MGA: variants seen among roughly 807,000 people sequenced by gnomAD.
MGA encodes MAX gene-associated protein.
Under a neutral mutation model 261.1 loss-of-function variants are expected in MGA, and 40 were observed. That is an observed-to-expected ratio of 0.15 (90% CI 0.12 to 0.20). The LOEUF is 0.20. Ranked by LOEUF, MGA falls within the 10% of genes least tolerant of loss-of-function variation. MGA has a pLI of 1.00. For missense variants in MGA, 3,397 were observed against 3,630.5 expected, an observed-to-expected ratio of 0.94 and a Z score of 1.65; for synonymous variants, 1,302 against 1,290.6, an observed-to-expected ratio of 1.01 and a Z score of -0.19.
At chr15:41,716,881 C>CT (rs879628443) in intron 9 of MGA, among the ~76,000 whole-genome samples, 57 of 151,058 alleles carry the variant, frequency 3.8e-4, no homozygotes, top group Non-Finnish European at 3.8e-4. Flanking sequence ...GCATTTAATA[C>CT]TTTTTTTTTG....
Position 41,766,920 on chromosome 15 carries a change from T to C in MGA, c.8838T>C (p.Asp2946=). ...TCCTTTCCAACAAGAAAGCTATTGATGGAGGGAAGAATACTTCTGGCCTCC... is the reference window on the plus strand; with the variant it reads ...TCCTTTCCAACAAGAAAGCTATTGACGGAGGGAAGAATACTTCTGGCCTCC... Residue 2946 remains aspartate (D), a synonymous_variant, in exon 24 of 24, where the codon GAT becomes GAC. Coordinates refer to ENST00000219905, the MANE Select transcript of MGA (RefSeq NM_001164273.2). 4 of 1,614,028 alleles carry C rather than the reference T, an allele frequency of 2.5e-6. No homozygotes were observed. Among genetic ancestry groups the C allele is most frequent in the Non-Finnish European group, 3.4e-6 (4 of 1,179,890 alleles).
intron 18 of MGA, 47 bp downstream of exon 18, chr15:41,754,614 C>A (rs1158288913): frequency 2.7e-6 from 4 of 1,490,200 alleles, no homozygotes; most frequent in Non-Finnish European, 3.6e-6. Context: ...GTTTTGTAAC[C>A]AGAAACAAAA....
In MGA at chr15:41,750,035, C is replaced by T. The variant is rs568174800; in HGVS notation, c.6428C>T (p.Ser2143Leu). The stretch of plus-strand genomic sequence containing the variant: ...AAGGAAGAAAGTAAATTTGAATTGT[C>T]AGGAAGCAAAGTTATGGAGCAGCAA... The change falls in exon 17 of 24, where the codon TCA becomes TTA. Residue 2143 changes from serine (S) to leucine (L), a missense_variant. By Grantham distance (145) the Ser-to-Leu change is moderately radical. Around this residue, in one of 9 missense-constraint regions of MGA, gnomAD observed 1,410 missense variants for 1,386.4 expected, o/e 1.02. Coordinates refer to ENST00000219905, the MANE Select transcript of MGA (RefSeq NM_001164273.2). 2 of 1,613,062 alleles carry T rather than the reference C, an allele frequency of 1.2e-6. No individual in the cohort carries two copies. The highest frequency in any genetic ancestry group is 1.7e-6 in the Non-Finnish European group (2 of 1,179,614).
At chr15:41,721,172 AT>A (rs751384103) in intron 9 of MGA, among the ~76,000 whole-genome samples, 2 of 152,140 alleles carry the variant, frequency 1.3e-5, no homozygotes, top group Non-Finnish European at 2.9e-5. Context: ...CAACTTTAAA[AT>A]AAGAAATTCA....
intron 1 of MGA, among the ~76,000 whole-genome samples, chr15:41,640,987 C>T (rs2056809762): frequency 6.6e-6 from 1 of 152,142 alleles, no homozygotes; most frequent in Non-Finnish European, 1.5e-5. Flanking sequence ...GCAGTCATTC[C>T]CTATTTCTCC....
chr15:41,713,184 A>G lies in MGA; in HGVS notation c.3118A>G (p.Ile1040Val). ...CAAAACTAAACCTATCCACACAATC[A>G]TAAGGAAACGAGCCCCTCCCTGCAA... Residue 1040 changes from isoleucine (I) to valine (V), a missense_variant, in exon 9 of 24, where the codon ATA becomes GTA. Ile to Val is a conservative substitution (Grantham distance 29). Around this residue, in one of 9 missense-constraint regions of MGA, gnomAD observed 519 missense variants for 554.1 expected, o/e 0.94. Transcript: ENST00000219905. 2 of 1,613,770 alleles carry G rather than the reference A, an allele frequency of 1.2e-6. No homozygotes were observed. The highest frequency in any genetic ancestry group is 1.7e-6 in the Non-Finnish European group (2 of 1,179,884).
intron 2 of MGA, among the ~76,000 whole-genome samples, chr15:41,686,131 A>T (rs1429623072): frequency 6.6e-6 from 1 of 152,160 alleles, no homozygotes; most frequent in Non-Finnish European, 1.5e-5. Context: ...CCTGTGAACA[A>T]ATTTAGTTTT....
chr15:41,665,595 T>C (rs2057688101), intron 1 of MGA, among the ~76,000 whole-genome samples: 1 of 152,180 alleles, frequency 6.6e-6, no homozygotes, highest in Non-Finnish European at 1.5e-5. Context: ...CTCAAACTCC[T>C]GGGCTTAAGC....
rs2062210959 is a variant in MGA at position 41,743,104 on chromosome 15, C to T, written c.5144C>T (p.Ser1715Leu). The change falls in exon 15 of 24, where the codon TCA becomes TTA. Residue 1715 changes from serine to leucine, a missense_variant. Around this residue, in one of 9 missense-constraint regions of MGA, gnomAD observed 1,410 missense variants for 1,386.4 expected, o/e 1.02. Coordinates refer to ENST00000219905, the MANE Select transcript of MGA (RefSeq NM_001164273.2). ...TCCTCCATGGTGACCACACCAACTT[C>T]ATCTCTGGGCTCTGTTCCTATTATA... The T allele has an allele frequency of 6.2e-7, 1 of 1,613,798 alleles. No homozygotes were observed. The highest frequency in any genetic ancestry group is 8.5e-7 in the Non-Finnish European group (1 of 1,179,830).
intron 14 of MGA, among the ~76,000 whole-genome samples, chr15:41,741,822 C>A (rs779651801): frequency 6.6e-6 from 1 of 152,134 alleles, no homozygotes; most frequent in South Asian, 2.1e-4. Flanking sequence ...AACCATTCTC[C>A]TGCCTCAGCC....
intron 2 of MGA, among the ~76,000 whole-genome samples, chr15:41,678,002 A>G (rs892255959): frequency 1.3e-5 from 2 of 152,040 alleles, no homozygotes; most frequent in Admixed American, 1.3e-4. Context: ...CCATTGCCAA[A>G]TCTAACATTA....
At chr15:41,693,824 T>C (rs1343813475) in intron 2 of MGA, among the ~76,000 whole-genome samples, 2 of 152,182 alleles carry the variant, frequency 1.3e-5, no homozygotes, top group East Asian at 3.8e-4. Flanking sequence ...GACAGGCAAG[T>C]AACGTCAATA....
chr15:41,676,932 T>TC (rs1239921968), intron 2 of MGA, among the ~76,000 whole-genome samples: 2 of 152,044 alleles, frequency 1.3e-5, no homozygotes, highest in East Asian at 1.9e-4. Flanking sequence ...CCAGCTGCTT[T>TC]CCCCCCCAAA....
chr15:41,723,821 T>C (rs2061083240), intron 9 of MGA, among the ~76,000 whole-genome samples: 1 of 152,226 alleles, frequency 6.6e-6, no homozygotes, highest in Admixed American at 6.5e-5. Context: ...CCCCTATTTA[T>C]TGGAAGCTCC....
rs530004521 is a variant in MGA, at chr15:41,702,590, A to G, written c.2188+3431A>G. ...GCTGAAAACCCTTGAAAAACTAGAA[A>G]AGCTTTTTGAATTTGCTTTAAAATT... is the stretch of plus-strand genomic sequence containing the variant. On this transcript the variant is annotated intron_variant, in intron 5 of 23. Coordinates refer to ENST00000219905, the MANE Select transcript of MGA (RefSeq NM_001164273.2). Among the ~76,000 whole-genome samples the G allele has an allele frequency of 4.5e-4, 68 of 152,316 alleles. No individual in the cohort carries two copies. In the South Asian group the frequency reaches 0.011, roughly 24 times the overall value.
At chr15:41,748,488 G>C (rs554644613) in intron 15 of MGA, 149 bp from the exon 16 acceptor site, 1 of 784,038 alleles carries the variant, frequency 1.3e-6, no homozygotes, top group East Asian at 2.7e-5. Flanking sequence ...AGGGAGGTGC[G>C]GAGGTTGTAG....
intron 2 of MGA, chr15:41,684,341 CA>C (rs1010818484): frequency 1.1e-4 from 47 of 442,540 alleles, no homozygotes; most frequent in Admixed American, 4.1e-4. Flanking sequence ...ATAATGCCAA[CA>C]AAAAAAATCC....
chr15:41,692,941 A>C (rs1320514046), intron 2 of MGA, among the ~76,000 whole-genome samples: 1 of 152,002 alleles, frequency 6.6e-6, no homozygotes, highest in Non-Finnish European at 1.5e-5. Context: ...CAGGTAGTCC[A>C]CCTGCATCAG....
intron 2 of MGA, among the ~76,000 whole-genome samples, chr15:41,678,023 C>A (rs2058472942): frequency 6.6e-6 from 1 of 151,878 alleles, no homozygotes; most frequent in East Asian, 1.9e-4. Flanking sequence ...GAAAGAGTTT[C>A]CCTTATGTTT....
Sources: gnomAD v4.1 joint callset for allele counts (sites outside exome capture counted in the v4.1 genomes callset) on GRCh38, gnomAD v4.1.1 for gene constraint, gnomAD v4.1.1 regional missense constraint, MANE v1.5 for transcripts, NCBI Gene and HGNC (gene_info 2026-07-23, HGNC 2026-07-21) for gene names.